Variants in CAPN15 observed in about 807,000 individuals in gnomAD.
The protein encoded by CAPN15 is calpain-15.
Under a neutral mutation model 97.9 loss-of-function variants are expected in CAPN15, and 53 were observed. The observed-to-expected ratio is 0.54, with a 90% CI of 0.43 to 0.68. The LOEUF (loss-of-function observed/expected upper bound fraction) is 0.68, where lower values mean the gene tolerates loss of function less well. Ranked by LOEUF, CAPN15 falls within the 30% of genes least tolerant of loss-of-function variation. CAPN15 has a pLI of 0.00. For synonymous variants in CAPN15, 922 were observed against 722.5 expected (o/e 1.28, Z -4.43); for missense variants, 1,592 against 1,589.8 (o/e 1.00, Z -0.02).
chr16:539,812 A>C (rs2033988786), intron 3 of CAPN15: 2 of 152,264 alleles, frequency 1.3e-5, no homozygotes, highest in Non-Finnish European at 1.5e-5. Context: ...GATAAAGCAA[A>C]AGCGTGTGAT....
chr16:547,033 G>T lies in CAPN15; in HGVS notation c.195G>T (p.Glu65Asp). 1 of 1,609,294 alleles carries T rather than the reference G, an allele frequency of 6.2e-7. No homozygotes were observed. ...ACTTCCTGGGCAAGGAGGCCTGCGAGGTGTGCGGCTTCACCCCGGAGCCTG... is the reference window on the plus strand; with the variant it reads ...ACTTCCTGGGCAAGGAGGCCTGCGATGTGTGCGGCTTCACCCCGGAGCCTG... ...FRNFLGKEAC[E>D]VCGFTPEPAP... Residue 65 changes from glutamate (E) to aspartate (D), a missense_variant, in exon 4 of 14, where the codon GAG (glutamate) becomes GAT (aspartate). Coordinates refer to ENST00000219611, the MANE Select transcript of CAPN15 (RefSeq NM_005632.3).
chr16:549,096 C>T lies in CAPN15; in HGVS notation c.1553C>T (p.Pro518Leu). ...CAGCGTGTGAGGCAGTGGCTGCGACCCCAGGAGATCAACTGCTCCGTCTTC... is the reference window on the plus strand; with the variant it reads ...CAGCGTGTGAGGCAGTGGCTGCGACTCCAGGAGATCAACTGCTCCGTCTTC... The part of the protein sequence containing the change: ...VQQRVRQWLR[P>L]QEINCSVFRD... Residue 518 changes from proline (P) to leucine (L), a missense_variant, in exon 5 of 14, where the codon CCC becomes CTC. Pro to Leu is a moderately conservative substitution (Grantham distance 98, BLOSUM62 -3). Transcript: ENST00000219611. 1.2e-6 allele frequency: 2 copies of T among 1,612,552 alleles called. No individual in the cohort carries two copies. Among genetic ancestry groups the T allele is most frequent in the Non-Finnish European group, 1.7e-6 (2 of 1,179,938 alleles).
rs766864961 is a variant in CAPN15, at chr16:552,961, G to A, written c.3003G>A (p.Gln1001=). Residue 1001 remains glutamine, a synonymous_variant, in exon 13 of 14, where the codon CAG becomes CAA. Transcript: ENST00000219611. The surrounding 1 kb of genome is among the most constrained non-coding windows in gnomAD (Gnocchi z 6.4). ...ACCCCAAGGCCTACCTGCACGTGCA[G>A]TGTGACTGCACCGACAGCTTCAACG... ...NRHPKAYLHV[Q]CDCTDSFNVV... is the part of the protein sequence containing the mutation. 6.2e-7 allele frequency: 1 copy of A among 1,611,962 alleles called. No individual in the cohort carries two copies. The highest frequency in any genetic ancestry group is 1.7e-5 in the Admixed American group (1 of 59,960).
chr16:547,237 G>C lies in CAPN15; in HGVS notation c.399G>C (p.Glu133Asp), dbSNP rs916399732. ...CEDKDEEEKE[E>D]QEEEEGAAEP... ...ACAAGGACGAGGAGGAGAAGGAGGA[G>C]CAGGAGGAGGAGGAGGGAGCGGCGG... The change falls in exon 4 of 14, where the codon GAG becomes GAC. Residue 133 changes from glutamate (E) to aspartate (D), a missense_variant. Transcript: ENST00000219611. 7 of 1,518,538 alleles carry C rather than the reference G, an allele frequency of 4.6e-6. No homozygotes were observed. The highest frequency in any genetic ancestry group is 2.0e-4 in the Middle Eastern group (1 of 4,894). The allele number at this position is 1,518,538 out of a possible 1,614,324, so 94.1% of individuals were successfully genotyped here.
In CAPN15 at chr16:547,040, G is replaced by A. The variant is rs144165814; in HGVS notation, c.202G>A (p.Gly68Ser). The change falls in exon 4 of 14, where the codon GGC becomes AGC. Residue 68 changes from glycine (G) to serine (S), a missense_variant. Around this residue, in one of 3 missense-constraint regions of CAPN15, gnomAD observed 883 missense variants for 776.6 expected, o/e 1.14. Transcript: ENST00000219611. ...GGGCAAGGAGGCCTGCGAGGTGTGC[G>A]GCTTCACCCCGGAGCCTGCGCCTGG... ...FLGKEACEVCGFTPEPAPGAA... is the reference protein window; with the variant it reads ...FLGKEACEVCSFTPEPAPGAA... 1,263 of 1,608,598 alleles carry A rather than the reference G, an allele frequency of 7.9e-4. 2 individuals are homozygous for A. Among genetic ancestry groups the A allele is most frequent in the Admixed American group, 1.3e-3 (80 of 59,894 alleles).
chr16:551,191 G>GGTCGGTGAGGGCCCCA, intron 7 of CAPN15, 111 bp from the exon 8 acceptor site: 2 of 1,376,834 alleles, frequency 1.5e-6, no homozygotes, highest in Non-Finnish European at 1.9e-6. Context: ...TGAGGGCCCC[G>GGTCGGTGAGGGCCCCA]GTCGGTGAGG....
At chr16:539,970 C>T in intron 3 of CAPN15, 1 of 645,182 alleles carries the variant, frequency 1.5e-6, no homozygotes. Context: ...GATGTCCCCT[C>T]AGCCTACCCC....
rs762914844 is a variant in CAPN15 at position 549,339 on chromosome 16, G to A, written c.1710G>A (p.Arg570=). 9.4e-6 allele frequency: 15 copies of A among 1,595,214 alleles called. No individual in the cohort carries two copies. The highest frequency in any genetic ancestry group is 1.3e-5 in the African/African-American group (1 of 74,800). Residue 570 remains arginine (R), a synonymous_variant, in exon 6 of 14, where the codon CGG becomes CGA. Transcript: ENST00000219611. ...VLAERPDLVE[R]VMVTRSLCAE... ...CGGAGCGGCCGGACCTGGTGGAGCG[G>A]GTGATGGTCACGCGCAGCCTGTGTG...
rs1235816112 is a variant in CAPN15, at chr16:552,691, G to A, written c.2824G>A (p.Val942Met). ...LAVYSSRLVM[V>M]EPVEAQPTTL... ...TGTGTACAGCTCGAGGCTGGTCATGGTGGAGCCCGTGGAAGCCCAGCCGAC... is the reference window on the plus strand; with the variant it reads ...TGTGTACAGCTCGAGGCTGGTCATGATGGAGCCCGTGGAAGCCCAGCCGAC... The change falls in exon 12 of 14, where the codon GTG becomes ATG. Residue 942 changes from valine to methionine, a missense_variant. Physicochemically the swap from Val to Met is conservative, Grantham distance 21. This residue lies in a region of CAPN15 where 644 missense variants were observed against 699.6 expected (regional missense o/e 0.92). Transcript: ENST00000219611. This position sits in a 1 kb window ranked among gnomAD's most constrained non-coding sequence, Gnocchi z 6.4. 25 of 1,544,268 alleles carry A rather than the reference G, an allele frequency of 1.6e-5. No homozygotes were observed. The highest frequency in any genetic ancestry group is 2.2e-5 in the Non-Finnish European group (25 of 1,146,072).
chr16:543,698 G>A (rs938781237), intron 3 of CAPN15, among the ~76,000 whole-genome samples: 9 of 152,142 alleles, frequency 5.9e-5, no homozygotes, highest in African/African-American at 1.4e-4. Flanking sequence ...AGCAGACTGC[G>A]GGAAGGCAGC....
chr16:529,687 A>G (rs968092397), intron 1 of CAPN15, among the ~76,000 whole-genome samples: 8 of 152,166 alleles, frequency 5.3e-5, no homozygotes, highest in African/African-American at 1.9e-4. Context: ...GCCTCTACTC[A>G]TGGCAACAGG....
chr16:539,821 A>G (rs1478522155), intron 3 of CAPN15: 3 of 152,256 alleles, frequency 2.0e-5, no homozygotes, highest in Admixed American at 1.3e-4. Flanking sequence ...AAAGCGTGTG[A>G]TCTCTTTTCT....
chr16:532,709 C>T (rs191639739), intron 1 of CAPN15, among the ~76,000 whole-genome samples: 1 of 151,228 alleles, frequency 6.6e-6, no homozygotes, highest in Non-Finnish European at 1.5e-5. Flanking sequence ...AAAAATTAGC[C>T]GGGCCTGGTG....
intron 7 of CAPN15, among the ~76,000 whole-genome samples, chr16:550,513 C>T: frequency 6.6e-6 from 1 of 152,234 alleles, no homozygotes; most frequent in East Asian, 1.9e-4. Flanking sequence ...GTCTTGGTGG[C>T]AAGGTCGCGG....
intron 2 of CAPN15, among the ~76,000 whole-genome samples, chr16:534,737 C>T (rs1251853001): frequency 1.3e-5 from 2 of 152,180 alleles, no homozygotes; most frequent in African/African-American, 2.4e-5. Flanking sequence ...GTGGGGTTGC[C>T]GTGGGGCAAG....
intron 4 of CAPN15, 80 bp from the exon 5 acceptor site, chr16:548,913 C>T (rs1038229965): frequency 2.0e-5 from 27 of 1,356,910 alleles, no homozygotes; most frequent in Non-Finnish European, 2.5e-5. Flanking sequence ...TTTGGGCGCT[C>T]TCCTGGGTGG....
At chr16:548,670 C>A (rs917065672) in intron 4 of CAPN15, among the ~76,000 whole-genome samples, 1 of 152,238 alleles carries the variant, frequency 6.6e-6, no homozygotes, top group East Asian at 1.9e-4. Flanking sequence ...GATGGCATCA[C>A]CCACGGGTCA....
At chr16:541,077 A>C (rs2034078295) in intron 3 of CAPN15, among the ~76,000 whole-genome samples, 1 of 152,114 alleles carries the variant, frequency 6.6e-6, no homozygotes, top group African/African-American at 2.4e-5. Flanking sequence ...TGCGTCTCAC[A>C]CTCAAAAGGG....
Position 527,973 on chromosome 16 carries a change from G to A in CAPN15, c.-246G>A, listed in dbSNP as rs2032967349. 6.9e-6 allele frequency: 1 copy of A among 145,642 alleles called. No homozygotes were observed. Among genetic ancestry groups the A allele is most frequent in the African/African-American group, 2.5e-5 (1 of 40,722 alleles). The allele number at this position is 145,642 out of a possible 1,614,324, so 9.0% of individuals were successfully genotyped here. A position where few individuals can be genotyped will look rare whatever the true frequency, so the allele number is the denominator to read the frequency against. ...GCCGGCGGGGGCGAGCGGGCCCGGG[G>A]GCCGGGGCCGCGCTGCCCGGGCCGC... On this transcript the variant is annotated 5_prime_UTR_variant, in exon 1 of 14. Coordinates refer to ENST00000219611, the MANE Select transcript of CAPN15 (RefSeq NM_005632.3).
Sources: allele counts gnomAD v4.1 joint callset (sites outside exome capture counted in the v4.1 genomes callset), GRCh38; gene constraint gnomAD v4.1.1; regional missense constraint gnomAD v4.1.1; non-coding constraint Gnocchi (gnomAD v3.1); transcripts MANE v1.5; gene names NCBI Gene and HGNC (gene_info 2026-07-23, HGNC 2026-07-21).